Variants in SMOC1 observed in about 807,000 individuals in gnomAD.
The protein encoded by SMOC1 is SPARC related modular calcium binding 1, also known as SPARC-related modular calcium-binding protein 1.
In SMOC1, 22 loss-of-function variants were observed where a neutral mutation model predicts 56.3. The ratio of observed to expected loss-of-function variants is 0.39; its 90% CI spans 0.28 to 0.56. SMOC1 has a LOEUF of 0.56. Ranked by LOEUF, SMOC1 falls within the 20% of genes least tolerant of loss-of-function variation. SMOC1 has a pLI of 0.61. For missense variants in SMOC1, 509 were observed against 565.4 expected (o/e 0.90, Z 1.01); for synonymous variants, 193 against 215.0 (o/e 0.90, Z 0.89).
intron 1 of SMOC1, among the ~76,000 whole-genome samples, chr14:69,902,578 C>A (rs1235826867): frequency 6.6e-6 from 1 of 152,090 alleles, no homozygotes; most frequent in Non-Finnish European, 1.5e-5. Flanking sequence ...CCTGAGACCA[C>A]CCTTTAAGAA....
intron 1 of SMOC1, among the ~76,000 whole-genome samples, chr14:69,901,446 A>T (rs1455985620): frequency 6.6e-6 from 1 of 152,172 alleles, no homozygotes; most frequent in Non-Finnish European, 1.5e-5. Context: ...TAATTTACTG[A>T]TGGCACACAT....
chr14:70,023,199 C>T lies in SMOC1; in HGVS notation c.1047-4C>T, dbSNP rs1489262387. 1 of 1,613,990 alleles carries T rather than the reference C, an allele frequency of 6.2e-7. No homozygotes were observed. On this transcript the variant is annotated splice_region_variant and splice_polypyrimidine_tract_variant and intron_variant, in intron 10 of 11. Transcript: ENST00000361956. ...TGCGGTGGGGGTGTTTGTCCATGGC[C>T]CAGGTTCTCAGAGCCAGACCCCAGC...
intron 1 of SMOC1, among the ~76,000 whole-genome samples, chr14:69,920,667 G>T (rs371383469): frequency 6.9e-5 from 10 of 145,528 alleles, no homozygotes; most frequent in African/African-American, 1.5e-4. Context: ...ACAGTCTGGT[G>T]GGGGGGAGGC....
At chr14:69,892,156 G>A (rs1450021021) in intron 1 of SMOC1, among the ~76,000 whole-genome samples, 2 of 152,164 alleles carry the variant, frequency 1.3e-5, no homozygotes, top group Non-Finnish European at 2.9e-5. Flanking sequence ...TCTGTCTTTG[G>A]TGTCAGGCTG....
chr14:69,977,856 A>T (rs2139508808), intron 4 of SMOC1, 62 bp from the exon 5 acceptor site: 1 of 1,445,010 alleles, frequency 6.9e-7, no homozygotes, highest in Non-Finnish European at 9.7e-7. Context: ...GCCAACTCTT[A>T]GAAAGAAACC....
At chr14:69,890,454 T>G (rs1883930159) in intron 1 of SMOC1, among the ~76,000 whole-genome samples, 1 of 152,214 alleles carries the variant, frequency 6.6e-6, no homozygotes, top group South Asian at 2.1e-4. Flanking sequence ...GGATGTTCAA[T>G]TTCCAAGAGA....
chr14:70,008,874 T>G (rs1885236510), intron 7 of SMOC1, among the ~76,000 whole-genome samples: 1 of 152,158 alleles, frequency 6.6e-6, no homozygotes, highest in South Asian at 2.1e-4. Context: ...TATTGAAAAA[T>G]TCTTGCATAA....
intron 11 of SMOC1, among the ~76,000 whole-genome samples, chr14:70,029,777 CTT>C (rs1194021014): frequency 6.6e-6 from 1 of 152,184 alleles, no homozygotes; most frequent in Non-Finnish European, 1.5e-5. Context: ...GGCCAGGTGA[CTT>C]AAGCTCCCAT....
intron 1 of SMOC1, among the ~76,000 whole-genome samples, chr14:69,920,725 C>T (rs1270635113): frequency 6.6e-6 from 1 of 152,176 alleles, no homozygotes; most frequent in Non-Finnish European, 1.5e-5. Flanking sequence ...GGGATAAGAG[C>T]TACAAAGGAG....
At chr14:69,897,055 C>G (rs1019587664) in intron 1 of SMOC1, among the ~76,000 whole-genome samples, 61 of 152,184 alleles carry the variant, frequency 4.0e-4, no homozygotes, top group African/African-American at 1.4e-3. Flanking sequence ...GATCAGGGGT[C>G]AGGCTAGTGA....
chr14:69,919,182 T>G (rs1884765545), intron 1 of SMOC1, among the ~76,000 whole-genome samples: 1 of 152,148 alleles, frequency 6.6e-6, no homozygotes, highest in Non-Finnish European at 1.5e-5. Flanking sequence ...GTTGCTGCCT[T>G]ATATAGCCAG....
intron 1 of SMOC1, among the ~76,000 whole-genome samples, chr14:69,941,010 C>T (rs1163537691): frequency 3.9e-5 from 6 of 152,126 alleles, no homozygotes; most frequent in African/African-American, 7.2e-5. Context: ...GATGCCCTGT[C>T]GGTGATCAAG....
chr14:69,884,055 C>T (rs939320833), intron 1 of SMOC1, among the ~76,000 whole-genome samples: 17 of 151,016 alleles, frequency 1.1e-4, no homozygotes, highest in Non-Finnish European at 1.6e-4. Context: ...TACAGGCGCC[C>T]GCCACCGCGC....
At chr14:69,954,812 C>T (rs1169390477) in intron 3 of SMOC1, among the ~76,000 whole-genome samples, 3 of 152,122 alleles carry the variant, frequency 2.0e-5, no homozygotes, top group Non-Finnish European at 4.4e-5. Flanking sequence ...CTGTAATTCT[C>T]GATCAATGTG....
intron 5 of SMOC1, among the ~76,000 whole-genome samples, chr14:69,978,464 C>T (rs1358570788): frequency 6.6e-6 from 1 of 152,148 alleles, no homozygotes; most frequent in Non-Finnish European, 1.5e-5. Context: ...TGTGCAGTTG[C>T]TATCCTGAAA....
chr14:69,967,460 A>G (rs1174366363), intron 3 of SMOC1, among the ~76,000 whole-genome samples: 2 of 151,078 alleles, frequency 1.3e-5, no homozygotes, highest in South Asian at 2.1e-4. Context: ...TTAAAACATT[A>G]TGAGATTTTT....
At chr14:69,931,979 G>T (rs1306067299) in intron 1 of SMOC1, among the ~76,000 whole-genome samples, 1 of 152,220 alleles carries the variant, frequency 6.6e-6, no homozygotes, top group African/African-American at 2.4e-5. Flanking sequence ...CGCGCAGGGA[G>T]CGGGGCACTG....
intron 1 of SMOC1, among the ~76,000 whole-genome samples, chr14:69,891,445 A>C (rs1000429793): frequency 5.3e-5 from 8 of 152,362 alleles, no homozygotes; most frequent in African/African-American, 1.2e-4. Context: ...AAATATTAAA[A>C]GTGATGCTTC....
At chr14:70,024,560 A>C (rs1041458043) in intron 11 of SMOC1, among the ~76,000 whole-genome samples, 4 of 152,120 alleles carry the variant, frequency 2.6e-5, no homozygotes, top group Non-Finnish European at 5.9e-5. Context: ...TACTGGAAAC[A>C]TGAGTAGGAG....
Sources: gnomAD v4.1 joint callset for allele counts (sites outside exome capture counted in the v4.1 genomes callset) on GRCh38, gnomAD v4.1.1 for gene constraint, MANE v1.5 for transcripts, NCBI Gene and HGNC (gene_info 2026-07-23, HGNC 2026-07-21) for gene names.